Variants in MTERF1 observed in about 807,000 individuals in gnomAD.
MTERF1 encodes transcription termination factor 1, mitochondrial.
In MTERF1, 29 loss-of-function variants were observed where a neutral mutation model predicts 31.6. The observed-to-expected ratio is 0.92, with a 90% CI of 0.68 to 1.25. MTERF1 has a LOEUF of 1.25. MTERF1 is among the 50% of genes most tolerant of loss of function. MTERF1 has a pLI of 0.00. For missense variants in MTERF1, 500 were observed against 469.1 expected (o/e 1.07, Z -0.61); for synonymous variants, 152 against 164.1 (o/e 0.93, Z 0.57).
At position 91,880,121 on chromosome 7, in the gene MTERF1, T is replaced by A. The variant is rs755761538; in HGVS notation, c.-30-8A>T. On this transcript the variant is annotated splice_region_variant and splice_polypyrimidine_tract_variant and intron_variant, in intron 1 of 2. Transcript: ENST00000351870. The stretch of plus-strand genomic sequence containing the variant: ...GCTGGAGAACAGCTATCTCTGGAAA[T>A]GACACACACACACAAAAAAAAGGCA... 6.2e-7 allele frequency: 1 copy of A among 1,611,462 alleles called. No homozygotes were observed. The highest frequency in any genetic ancestry group is 2.2e-5 in the East Asian group (1 of 44,832).
chr7:91,880,202 C>T, intron 1 of MTERF1, 89 bp from the exon 2 acceptor site: 5 of 1,075,496 alleles, frequency 4.6e-6, no homozygotes, highest in South Asian at 2.8e-5. Context: ...CTAACGTTCT[C>T]GTTGCATTAT....
intron 2 of MTERF1, among the ~76,000 whole-genome samples, chr7:91,875,324 C>T (rs1482595402): frequency 1.3e-5 from 2 of 152,068 alleles, no homozygotes; most frequent in Non-Finnish European, 2.9e-5. Flanking sequence ...TATCATGGCT[C>T]GTTGCAGCCT....
Position 91,873,928 on chromosome 7 carries a change from G to C in MTERF1, c.866C>G (p.Ala289Gly), listed in dbSNP as rs1789253470. The change falls in exon 3 of 3, where the codon GCC becomes GGC. Residue 289 changes from alanine (A) to glycine (G), a missense_variant. Transcript: ENST00000351870. ...TTTGATGTTTGCGTAGCTTCTTCTGGCATAGTCATTGGAAAGGTCTAGGAT... is the reference window on the plus strand; with the variant it reads ...TTTGATGTTTGCGTAGCTTCTTCTGCCATAGTCATTGGAAAGGTCTAGGAT... ...AEILDLSNDY[A>G]RRSYANIKEK... The C allele has an allele frequency of 6.2e-7, 1 of 1,613,940 alleles. No individual in the cohort carries two copies. The highest frequency in any genetic ancestry group is 1.1e-5 in the South Asian group (1 of 91,070).
Position 91,873,833 on chromosome 7 carries a change from T to C in MTERF1, c.961A>G (p.Ile321Val), listed in dbSNP as rs756581070. ...QKFVLSYPDVIFLAEKKFNDK... is the reference protein window; with the variant it reads ...QKFVLSYPDVVFLAEKKFNDK... ...TTAAACTTTTTCTCTGCCAAGAAGA[T>C]CACATCTGGATAGCTTAAGACAAAC... Residue 321 changes from isoleucine to valine, a missense_variant, in exon 3 of 3, where the codon ATC (isoleucine) becomes GTC (valine). Transcript: ENST00000351870. The C allele has an allele frequency of 1.4e-5, 22 of 1,614,144 alleles. No homozygotes were observed. The highest frequency in any genetic ancestry group is 1.9e-5 in the Non-Finnish European group (22 of 1,180,022).
chr7:91,876,643 G>T (rs1789353761), intron 2 of MTERF1, among the ~76,000 whole-genome samples: 1 of 152,142 alleles, frequency 6.6e-6, no homozygotes. Context: ...ACAGAATTGG[G>T]AAAAGATCCC....
rs1242356450 is a variant in MTERF1 at position 91,873,146 on chromosome 7, C to G, written c.*448G>C. 6.5e-6 allele frequency: 1 copy of G among 153,818 alleles called. No homozygotes were observed. The highest frequency in any genetic ancestry group is 6.5e-5 in the Admixed American group (1 of 15,406). The allele number at this position is 153,818 out of a possible 1,614,324, so 9.5% of individuals were successfully genotyped here. On this transcript the variant is annotated 3_prime_UTR_variant, in exon 3 of 3. Coordinates refer to ENST00000351870, the MANE Select transcript of MTERF1 (RefSeq NM_006980.5). Reference sequence around the variant, plus strand: ...CTTCTTCAGCAAATTATCACTGACTCAGTGGTTTAAAACAACACAAATTTA... The same window carrying G: ...CTTCTTCAGCAAATTATCACTGACTGAGTGGTTTAAAACAACACAAATTTA...
intron 2 of MTERF1, among the ~76,000 whole-genome samples, chr7:91,878,905 A>C (rs141795336): frequency 2.3e-4 from 35 of 152,302 alleles, no homozygotes; most frequent in African/African-American, 7.7e-4. Flanking sequence ...CTTCACACCT[A>C]TAATCTCACC....
intron 1 of MTERF1, chr7:91,880,352 A>G (rs2130333460): frequency 2.3e-6 from 1 of 440,064 alleles, no homozygotes; most frequent in East Asian, 3.9e-5. Flanking sequence ...AGTGCTTCAT[A>G]TATATTGTCT....
At position 91,874,744 on chromosome 7, in the gene MTERF1, T is replaced by C. The variant is rs186094669; in HGVS notation, c.50A>G (p.Tyr17Cys). Reference sequence around the variant, plus strand: ...GTTTCCTGGTGCCATAATGGTTAGGTAGTTCAAACCTTTTGAAATGCTGTG... The same window carrying C: ...GTTTCCTGGTGCCATAATGGTTAGGCAGTTCAAACCTTTTGAAATGCTGTG... ...GQTSISKGLN[Y>C]LTIMAPGNLW... The change falls in exon 3 of 3, where the codon TAC becomes TGC. Residue 17 changes from tyrosine (Y) to cysteine (C), a missense_variant. Tyr to Cys is a radical substitution (Grantham distance 194). Coordinates refer to ENST00000351870, the MANE Select transcript of MTERF1 (RefSeq NM_006980.5). 150 of 1,607,984 alleles carry C rather than the reference T, an allele frequency of 9.3e-5. No individual in the cohort carries two copies. In the East Asian group the frequency reaches 1.3e-3, roughly 14 times the overall value.
chr7:91,875,616 G>A (rs1047325910), intron 2 of MTERF1, among the ~76,000 whole-genome samples: 2 of 151,760 alleles, frequency 1.3e-5, no homozygotes, highest in African/African-American at 2.4e-5. Context: ...CCAGGTCTTC[G>A]ACCTTGCCCT....
chr7:91,874,866 A>G, intron 2 of MTERF1, 102 bp from the exon 3 acceptor site: 1 of 783,446 alleles, frequency 1.3e-6, no homozygotes, highest in Non-Finnish European at 2.0e-6. Flanking sequence ...CTATGAGAAT[A>G]TACCTTCAGC....
rs1789470460 is a variant in MTERF1 at position 91,880,215 on chromosome 7, T to C, written c.-30-102A>G. 6.7e-6 allele frequency: 6 copies of C among 899,864 alleles called. No homozygotes were observed. The South Asian group carries it at 7.9e-5, about 12-fold the overall frequency. 55.7% of individuals were successfully genotyped at this position (899,864 alleles called of 1,614,324 possible). ...AGCTAACGTTCTCGTTGCATTATGT[T>C]CTCGTGAGATGCATTACCTCTTGCA... On this transcript the variant is annotated intron_variant, in intron 1 of 2. Transcript: ENST00000351870.
At chr7:91,876,957 C>G in intron 2 of MTERF1, 1 of 985,190 alleles carries the variant, frequency 1.0e-6, no homozygotes, top group African/African-American at 1.7e-5. Flanking sequence ...AATGCGTCAG[C>G]TGGAAATCAG....
intron 2 of MTERF1, among the ~76,000 whole-genome samples, chr7:91,878,296 C>T (rs895367639): frequency 6.6e-6 from 1 of 152,122 alleles, no homozygotes; most frequent in Non-Finnish European, 1.5e-5. Flanking sequence ...GTGGTCTCAG[C>T]TAAACCTAGA....
intron 2 of MTERF1, among the ~76,000 whole-genome samples, chr7:91,875,986 T>C (rs1157155403): frequency 1.3e-5 from 2 of 152,218 alleles, no homozygotes; most frequent in African/African-American, 2.4e-5. Context: ...ATTAAAACGT[T>C]ACCTTTACCA....
chr7:91,879,882 T>C (rs1789459358), intron 2 of MTERF1, among the ~76,000 whole-genome samples, 173 bp downstream of exon 2: 1 of 152,204 alleles, frequency 6.6e-6, no homozygotes, highest in African/African-American at 2.4e-5. Flanking sequence ...ATTTCTATGC[T>C]TGTAGTATGA....
At chr7:91,877,938 C>T (rs572254010) in intron 2 of MTERF1, among the ~76,000 whole-genome samples, 2 of 152,290 alleles carry the variant, frequency 1.3e-5, no homozygotes, top group Middle Eastern at 3.4e-3. Flanking sequence ...AGCACTATCG[C>T]CTCTCAAACC....
chr7:91,874,908 G>C (rs1038352635), intron 2 of MTERF1, 144 bp from the exon 3 acceptor site: 2 of 559,446 alleles, frequency 3.6e-6, no homozygotes, highest in Non-Finnish European at 6.1e-6. Context: ...TAATAATTCA[G>C]CCACTGCTGA....
At chr7:91,878,566 G>A (rs1161087206) in intron 2 of MTERF1, among the ~76,000 whole-genome samples, 10 of 152,296 alleles carry the variant, frequency 6.6e-5, no homozygotes, top group South Asian at 4.2e-4. Flanking sequence ...CAGGGGCAGC[G>A]GCTCACACCT....
Sources: gnomAD v4.1 joint callset for allele counts (sites outside exome capture counted in the v4.1 genomes callset) on GRCh38, gnomAD v4.1.1 for gene constraint, MANE v1.5 for transcripts, NCBI Gene and HGNC (gene_info 2026-07-23, HGNC 2026-07-21) for gene names.